The following NUP42 variants were observed in gnomAD, a reference collection of about 807,000 sequenced individuals.
NUP42 encodes nucleoporin NUP42.
In NUP42, 47 loss-of-function variants were observed where a neutral mutation model predicts 35.9. The observed-to-expected ratio is 1.31, with a 90% CI of 1.04 to 1.67. NUP42 has a LOEUF of 1.67. NUP42 is among the 40% of genes most tolerant of loss of function. The probability of loss-of-function intolerance (pLI) is 0.00; values close to 1 mark genes in which losing one functional copy is unlikely to be tolerated. For missense variants in NUP42, 514 were observed against 492.2 expected (o/e 1.04, Z -0.42); for synonymous variants, 173 against 173.3 (o/e 1.00, Z 0.01).
chr7:23,188,644 A>G (rs924178380), intron 3 of NUP42: 3 of 578,230 alleles, frequency 5.2e-6, no homozygotes, highest in Non-Finnish European at 6.5e-6. Flanking sequence ...TTTGGGGCAC[A>G]TTTATACTAA....
intron 1 of NUP42, 25 bp from the exon 2 acceptor site, chr7:23,185,045 T>G: frequency 1.9e-6 from 3 of 1,558,324 alleles, no homozygotes; most frequent in Non-Finnish European, 2.6e-6. Flanking sequence ...CTAGTAAAAT[T>G]ATTTTGTTTT....
chr7:23,185,795 A>G (rs996086819), intron 2 of NUP42, among the ~76,000 whole-genome samples: 2 of 152,240 alleles, frequency 1.3e-5, no homozygotes, highest in Non-Finnish European at 2.9e-5. Context: ...GCTAGAGTGC[A>G]GTGGTACAAT....
intron 3 of NUP42, 117 bp downstream of exon 3, chr7:23,187,263 G>A (rs1785625628): frequency 3.0e-6 from 2 of 671,880 alleles, no homozygotes. Flanking sequence ...GAGAGTTTGG[G>A]CATTGTTTAA....
intron 1 of NUP42, chr7:23,182,442 C>A: frequency 7.5e-7 from 1 of 1,329,208 alleles, no homozygotes; most frequent in Non-Finnish European, 9.7e-7. Context: ...GATGCTTGTG[C>A]GAAACTGAGT....
chr7:23,186,624 G>A (rs1440013743), intron 2 of NUP42, among the ~76,000 whole-genome samples: 1 of 152,122 alleles, frequency 6.6e-6, no homozygotes, highest in African/African-American at 2.4e-5. Flanking sequence ...CCAGTTAAAT[G>A]ATTATTGATG....
At position 23,200,268 on chromosome 7, in the gene NUP42, T is replaced by G. The variant is rs1167056100; in HGVS notation, c.795T>G (p.Phe265Leu). Reference sequence around the variant, plus strand: ...CCTCTTCTGGAAGCCCTGCTGGTTTTGGGAGTTCCCCAGCATTTGGAGCTG... The same window carrying G: ...CCTCTTCTGGAAGCCCTGCTGGTTTGGGGAGTTCCCCAGCATTTGGAGCTG... ...AAASSGSPAGFGSSPAFGAAA... is the reference protein window; with the variant it reads ...AAASSGSPAGLGSSPAFGAAA... Residue 265 changes from phenylalanine (F) to leucine (L), a missense_variant, in exon 7 of 7, where the codon TTT becomes TTG. By Grantham distance (22) the Phe-to-Leu change is conservative. Transcript: ENST00000258742. 7 of 1,603,462 alleles carry G rather than the reference T, an allele frequency of 4.4e-6. No individual in the cohort carries two copies. The highest frequency in any genetic ancestry group is 2.2e-5 in the East Asian group (1 of 44,850).
intron 3 of NUP42, chr7:23,194,617 T>TC (rs1212079280): frequency 1.3e-5 from 2 of 156,400 alleles, no homozygotes; most frequent in Non-Finnish European, 2.8e-5. Flanking sequence ...GGCCTTGGTC[T>TC]CCCAAAGTGC....
intron 1 of NUP42, among the ~76,000 whole-genome samples, chr7:23,182,879 A>T (rs547650072): frequency 5.5e-4 from 82 of 150,104 alleles, no homozygotes; most frequent in African/African-American, 2.0e-3. Flanking sequence ...GTGCCACTGC[A>T]CTCCAGCCTG....
At position 23,187,173 on chromosome 7, in the gene NUP42, A is replaced by C. The variant is rs532590811; in HGVS notation, c.445+27A>C. 2.1e-6 allele frequency: 3 copies of C among 1,450,458 alleles called. No homozygotes were observed. The South Asian group carries it at 3.6e-5, about 17-fold the overall frequency. 89.8% of individuals were successfully genotyped at this position (1,450,458 alleles called of 1,614,324 possible). A position where few individuals can be genotyped will look rare whatever the true frequency, so the allele number is the denominator to read the frequency against. ...TAACTGAAAAATTGTGCATTTTTAA[A>C]GTATGTTCTAAAACTATTATTTTCT... On this transcript the variant is annotated intron_variant, in intron 3 of 6. Coordinates refer to ENST00000258742, the MANE Select transcript of NUP42 (RefSeq NM_007342.3).
At position 23,182,072 on chromosome 7, in the gene NUP42, G is replaced by A. The variant is rs777282878; in HGVS notation, c.-14G>A. On this transcript the variant is annotated 5_prime_UTR_variant, in exon 1 of 7. Transcript: ENST00000258742. ...TGCAGACTGAAGACGCCCTCCGTCA[G>A]CGACGCCGTCGCAATGGCCATTTGT... 1.2e-6 allele frequency: 2 copies of A among 1,613,392 alleles called. No individual in the cohort carries two copies. The highest frequency in any genetic ancestry group is 1.1e-5 in the South Asian group (1 of 91,090).
chr7:23,185,763 G>A (rs56345336), intron 2 of NUP42, among the ~76,000 whole-genome samples: 2,802 of 152,016 alleles, frequency 0.018, 77 homozygotes, highest in African/African-American at 0.064. Context: ...ATTTTGAGAC[G>A]GAGTCTTGCT....
At chr7:23,188,925 A>G (rs999499602) in intron 3 of NUP42, among the ~76,000 whole-genome samples, 1 of 152,254 alleles carries the variant, frequency 6.6e-6, no homozygotes, top group Non-Finnish European at 1.5e-5. Context: ...CAATAAAAAA[A>G]TGTTTAATGC....
intron 3 of NUP42, among the ~76,000 whole-genome samples, chr7:23,192,772 C>T (rs1337624276): frequency 6.6e-6 from 1 of 151,940 alleles, no homozygotes; most frequent in Non-Finnish European, 1.5e-5. Context: ...GCTGTGTGTA[C>T]AGTTGACCTT....
intron 3 of NUP42, among the ~76,000 whole-genome samples, chr7:23,189,190 A>G (rs1785704644): frequency 6.6e-6 from 1 of 152,258 alleles, no homozygotes; most frequent in South Asian, 2.1e-4. Context: ...AAAACAGTTG[A>G]TAGTGTTTAT....
chr7:23,194,108 C>T (rs903585187), intron 3 of NUP42, among the ~76,000 whole-genome samples: 2 of 152,198 alleles, frequency 1.3e-5, no homozygotes, highest in Non-Finnish European at 2.9e-5. Context: ...CGCGCCTCTC[C>T]CTCCACACCT....
chr7:23,183,730 T>C lies in NUP42; in HGVS notation c.122-1340T>C, dbSNP rs1785494319. ...AAACAAATGAATGTTTCTGGAATTA[T>C]AAGTATGAAGACCAAAAGCAATGTA... is the stretch of plus-strand genomic sequence containing the variant. On this transcript the variant is annotated intron_variant, in intron 1 of 6. Transcript: ENST00000258742. Among the ~76,000 whole-genome samples the C allele has an allele frequency of 4.4e-5, 5 of 114,700 alleles. 1 individual carries two copies. The highest frequency in any genetic ancestry group is 1.7e-4 in the African/African-American group (5 of 30,254). 75.2% of individuals were successfully genotyped at this position (114,700 alleles called of 152,430 possible). A position where few individuals can be genotyped will look rare whatever the true frequency, so the allele number is the denominator to read the frequency against.
intron 1 of NUP42, among the ~76,000 whole-genome samples, chr7:23,183,863 G>A (rs1233707964): frequency 6.7e-6 from 1 of 148,964 alleles, no homozygotes; most frequent in Non-Finnish European, 1.5e-5. Flanking sequence ...TTCTACTTGA[G>A]GGATCTGGTC....
chr7:23,199,538 G>T lies in NUP42; in HGVS notation c.690G>T (p.Ser230=), dbSNP rs780303424. The part of the protein sequence containing the change: ...FGSSQAATFM[S]PGFPVNNSSS... ...GCAGTCAAGCAGCAACATTTATGTC[G>T]CCAGGTAAGTGATAAAGTAATGCAG... Residue 230 remains serine, a synonymous_variant, in exon 6 of 7, where the codon TCG becomes TCT. Coordinates refer to ENST00000258742, the MANE Select transcript of NUP42 (RefSeq NM_007342.3). 5 of 1,612,872 alleles carry T rather than the reference G, an allele frequency of 3.1e-6. No individual in the cohort carries two copies. Among genetic ancestry groups the T allele is most frequent in the East Asian group, 4.5e-5 (2 of 44,864 alleles).
chr7:23,188,357 A>C (rs1056562376), intron 3 of NUP42: 2 of 1,015,076 alleles, frequency 2.0e-6, no homozygotes, highest in Admixed American at 1.1e-4. Context: ...TACATTCTTG[A>C]GGGAGGAAAA....
Sources: allele counts gnomAD v4.1 joint callset (sites outside exome capture counted in the v4.1 genomes callset), GRCh38; gene constraint gnomAD v4.1.1; transcripts MANE v1.5; gene names NCBI Gene and HGNC (gene_info 2026-07-23, HGNC 2026-07-21).